CCDC148: variants seen among roughly 807,000 people sequenced by gnomAD.
The protein encoded by CCDC148 is coiled-coil domain containing 148, also known as coiled-coil domain-containing protein 148.
Under a neutral mutation model 85.7 loss-of-function variants are expected in CCDC148, and 89 were observed. That is an observed-to-expected ratio of 1.04 (90% CI 0.87 to 1.24). The LOEUF (loss-of-function observed/expected upper bound fraction) is 1.24, where lower values mean the gene tolerates loss of function less well. Among genes scored for constraint, CCDC148 ranks in the 50% most tolerant of loss-of-function variants. CCDC148 has a pLI of 0.00. For missense variants in CCDC148, 692 were observed against 671.7 expected (o/e 1.03, Z -0.33); for synonymous variants, 230 against 213.9 (o/e 1.08, Z -0.66).
intron 11 of CCDC148, among the ~76,000 whole-genome samples, chr2:158,196,323 C>T (rs1252932651): frequency 1.3e-5 from 2 of 152,140 alleles, no homozygotes; most frequent in Non-Finnish European, 2.9e-5. Flanking sequence ...CTGCACATCT[C>T]TTCCCATCTC....
chr2:158,433,094 AT>A (rs1687445905), intron 1 of CCDC148, among the ~76,000 whole-genome samples: 1 of 119,454 alleles, frequency 8.4e-6, no homozygotes, highest in Non-Finnish European at 1.8e-5. Context: ...AAAAAAAAAT[AT>A]ATATATATAT....
At chr2:158,262,703 C>T (rs1056809521) in intron 9 of CCDC148, among the ~76,000 whole-genome samples, 1 of 151,740 alleles carries the variant, frequency 6.6e-6, no homozygotes, top group African/African-American at 2.4e-5. Context: ...CACTTTTAAA[C>T]CATCAGATCT....
At chr2:158,345,441 C>T in intron 2 of CCDC148, 123 bp from the exon 3 acceptor site, 2 of 584,980 alleles carry the variant, frequency 3.4e-6, no homozygotes, top group Non-Finnish European at 5.8e-6. Flanking sequence ...CTTATTAGTG[C>T]ATCTCCTAAC....
chr2:158,292,190 C>A (rs375895194), intron 9 of CCDC148, among the ~76,000 whole-genome samples: 17 of 151,964 alleles, frequency 1.1e-4, no homozygotes, highest in African/African-American at 4.1e-4. Flanking sequence ...TATAATAAAA[C>A]AATATTGGAG....
intron 9 of CCDC148, among the ~76,000 whole-genome samples, chr2:158,300,724 T>C (rs1691401199): frequency 1.3e-5 from 2 of 151,984 alleles, no homozygotes; most frequent in African/African-American, 2.4e-5. Flanking sequence ...TAAAATGGAG[T>C]GTGTCAAGAA....
chr2:158,249,564 T>C (rs534238509), intron 10 of CCDC148, among the ~76,000 whole-genome samples: 1 of 152,276 alleles, frequency 6.6e-6, no homozygotes, highest in East Asian at 1.9e-4. Flanking sequence ...TATATCTTCT[T>C]AGCAGCTGAC....
intron 11 of CCDC148, among the ~76,000 whole-genome samples, chr2:158,184,919 C>T (rs1685083185): frequency 6.6e-6 from 1 of 152,160 alleles, no homozygotes; most frequent in Non-Finnish European, 1.5e-5. Context: ...CCAGGTGATG[C>T]TGATTGTGCT....
intron 9 of CCDC148, among the ~76,000 whole-genome samples, chr2:158,270,280 T>C (rs964299532): frequency 2.0e-5 from 3 of 152,134 alleles, no homozygotes; most frequent in Non-Finnish European, 4.4e-5. Context: ...ATGAGAATAA[T>C]ATGAAAAACA....
chr2:158,333,099 T>G (rs1398394432), intron 7 of CCDC148, among the ~76,000 whole-genome samples: 1 of 152,204 alleles, frequency 6.6e-6, no homozygotes, highest in Non-Finnish European at 1.5e-5. Context: ...TGCTCTTGCT[T>G]CTCTAGTGAT....
chr2:158,334,055 T>G (rs1217919175), intron 7 of CCDC148, among the ~76,000 whole-genome samples: 1 of 152,110 alleles, frequency 6.6e-6, no homozygotes, highest in African/African-American at 2.4e-5. Context: ...CAAAAGGGAA[T>G]TTTTATCAGA....
At chr2:158,299,429 C>A (rs991982620) in intron 9 of CCDC148, among the ~76,000 whole-genome samples, 1 of 152,192 alleles carries the variant, frequency 6.6e-6, no homozygotes, top group Non-Finnish European at 1.5e-5. Flanking sequence ...TTTGCCTTTG[C>A]AGCCCAAACT....
intron 1 of CCDC148, among the ~76,000 whole-genome samples, chr2:158,427,887 G>C (rs1027505267): frequency 3.3e-5 from 5 of 152,072 alleles, no homozygotes; most frequent in Non-Finnish European, 7.4e-5. Context: ...AGAAGGAAGT[G>C]GGGCATTTTC....
chr2:158,414,151 AGCTTTAACTT>A (rs1288734345), intron 1 of CCDC148, among the ~76,000 whole-genome samples: 5 of 152,216 alleles, frequency 3.3e-5, no homozygotes, highest in African/African-American at 1.2e-4. Context: ...TCATCTTTAT[AGCTTTAACTT>A]GCTTTAAAAA....
At chr2:158,392,848 T>C (rs1452090354) in intron 1 of CCDC148, among the ~76,000 whole-genome samples, 2 of 152,078 alleles carry the variant, frequency 1.3e-5, no homozygotes, top group Non-Finnish European at 2.9e-5. Context: ...GTTACTGTGA[T>C]GGGCCTGATG....
intron 9 of CCDC148, among the ~76,000 whole-genome samples, chr2:158,259,067 T>A (rs1000739709): frequency 6.6e-6 from 1 of 151,820 alleles, no homozygotes. Context: ...CTTCCAGCTA[T>A]GTAGATATTG....
At chr2:158,444,785 GAAA>G (rs11433320) in intron 1 of CCDC148, among the ~76,000 whole-genome samples, 10 of 66,674 alleles carry the variant, frequency 1.5e-4, no homozygotes, top group Admixed American at 2.6e-4. Flanking sequence ...ACCCTGTCTT[GAAA>G]AAAAAAAAAA....
chr2:158,227,171 C>G (rs1055769615), intron 10 of CCDC148, among the ~76,000 whole-genome samples: 2 of 152,058 alleles, frequency 1.3e-5, no homozygotes, highest in African/African-American at 4.8e-5. Flanking sequence ...AACAGACAAA[C>G]AGAGAGCCAA....
At chr2:158,199,892 G>T (rs77913139) in intron 11 of CCDC148, among the ~76,000 whole-genome samples, 23,030 of 152,124 alleles carry the variant, frequency 0.15, 2,218 homozygotes, top group Non-Finnish European at 0.21. Context: ...CTATTTTTCT[G>T]CCTCCATAAA....
intron 10 of CCDC148, among the ~76,000 whole-genome samples, chr2:158,244,099 A>C (rs1367202242): frequency 6.6e-6 from 1 of 152,114 alleles, no homozygotes; most frequent in African/African-American, 2.4e-5. Flanking sequence ...TATTTCTACT[A>C]ACAGTTGATT....
Sources: gnomAD v4.1 joint callset for allele counts (sites outside exome capture counted in the v4.1 genomes callset) on GRCh38, gnomAD v4.1.1 for gene constraint, MANE v1.5 for transcripts, NCBI Gene and HGNC (gene_info 2026-07-23, HGNC 2026-07-21) for gene names.